The following MYO1E variants were observed in gnomAD, a reference collection of about 807,000 sequenced individuals.
MYO1E encodes myosin IE.
Under a neutral mutation model 151.1 loss-of-function variants are expected in MYO1E, and 68 were observed. The ratio of observed to expected loss-of-function variants is 0.45; its 90% CI spans 0.37 to 0.55. MYO1E has a LOEUF of 0.55. Ranked by LOEUF, MYO1E falls within the 20% of genes least tolerant of loss-of-function variation. The pLI, the probability that MYO1E is intolerant of heterozygous loss-of-function variation, is 0.00. For missense variants in MYO1E, 1,363 were observed against 1,389.3 expected (o/e 0.98, Z 0.30); for synonymous variants, 601 against 501.7 (o/e 1.20, Z -2.64).
intron 17 of MYO1E, among the ~76,000 whole-genome samples, chr15:59,192,695 G>A (rs910641300): frequency 1.3e-5 from 2 of 152,216 alleles, no homozygotes; most frequent in Non-Finnish European, 2.9e-5. Flanking sequence ...GTTTGAAATG[G>A]GGGAAGGTGG....
In MYO1E at chr15:59,227,249, G is replaced by C. The variant is rs189336335; in HGVS notation, c.642+210C>G. Among the ~76,000 whole-genome samples, 4 of 152,304 alleles carry C rather than the reference G, an allele frequency of 2.6e-5. No individual in the cohort carries two copies. In the East Asian group the frequency reaches 7.7e-4, roughly 29 times the overall value. On this transcript the variant is annotated intron_variant, in intron 7 of 27. Transcript: ENST00000288235. ...ACATCAATACTTTCTTGATGATTTA[G>C]CTTTGGAGGAATTTCTGTCTTATCA...
chr15:59,220,925 T>TA (rs59578227), intron 9 of MYO1E, among the ~76,000 whole-genome samples: 1,398 of 77,916 alleles, frequency 0.018, 38 homozygotes, highest in African/African-American at 0.062. Context: ...CCCCATCTCT[T>TA]AAAAAAAAAA....
intron 1 of MYO1E, among the ~76,000 whole-genome samples, chr15:59,304,843 T>C (rs1178571621): frequency 6.6e-6 from 1 of 152,260 alleles, no homozygotes; most frequent in African/African-American, 2.4e-5. Context: ...AAATGGAACT[T>C]GTCTTTACCC....
At chr15:59,298,236 T>G (rs1283153153) in intron 1 of MYO1E, among the ~76,000 whole-genome samples, 1 of 152,168 alleles carries the variant, frequency 6.6e-6, no homozygotes, top group African/African-American at 2.4e-5. Flanking sequence ...ATCTAGTTAT[T>G]TGGTACCCTG....
chr15:59,307,102 A>C (rs1262914691), intron 1 of MYO1E, among the ~76,000 whole-genome samples: 1 of 152,254 alleles, frequency 6.6e-6, no homozygotes. Flanking sequence ...AGCATGAAGT[A>C]CAGGAGGCAG....
At chr15:59,244,637 A>C (rs909403932) in intron 4 of MYO1E, among the ~76,000 whole-genome samples, 4 of 152,216 alleles carry the variant, frequency 2.6e-5, no homozygotes, top group South Asian at 2.1e-4. Flanking sequence ...AGAGAAAAGT[A>C]TAAAGACTGC....
At chr15:59,142,450 G>A (rs1382225150) in intron 26 of MYO1E, among the ~76,000 whole-genome samples, 1 of 152,166 alleles carries the variant, frequency 6.6e-6, no homozygotes, top group African/African-American at 2.4e-5. Flanking sequence ...TCCCTGCCCT[G>A]GGCATCACCC....
intron 19 of MYO1E, 40 bp from the exon 20 acceptor site, chr15:59,174,280 G>T: frequency 7.0e-7 from 1 of 1,423,506 alleles, no homozygotes; most frequent in Non-Finnish European, 9.9e-7. Context: ...CAAGCCCCAA[G>T]CCCCAATCCC....
chr15:59,368,729 G>T (rs1263568105), intron 1 of MYO1E, among the ~76,000 whole-genome samples: 3 of 151,954 alleles, frequency 2.0e-5, no homozygotes, highest in Admixed American at 1.3e-4. Context: ...CCGGGCGACA[G>T]TGAGAGACTC....
chr15:59,285,974 C>T (rs1317918602), intron 1 of MYO1E, among the ~76,000 whole-genome samples: 2 of 152,172 alleles, frequency 1.3e-5, no homozygotes, highest in Non-Finnish European at 2.9e-5. Flanking sequence ...TTTTCTAATT[C>T]AATTACACAG....
At chr15:59,225,193 T>G (rs756843486) in intron 7 of MYO1E, among the ~76,000 whole-genome samples, 1 of 152,242 alleles carries the variant, frequency 6.6e-6, no homozygotes, top group Admixed American at 6.5e-5. Context: ...AAAACTGCCA[T>G]GCAGCTTCCT....
intron 1 of MYO1E, among the ~76,000 whole-genome samples, chr15:59,356,070 T>C (rs948617899): frequency 3.3e-5 from 5 of 152,200 alleles, no homozygotes; most frequent in African/African-American, 1.2e-4. Flanking sequence ...TGGCAACATA[T>C]ACAACAGATT....
chr15:59,178,575 C>T (rs189743301), intron 18 of MYO1E, 38 bp from the exon 19 acceptor site: 56 of 1,606,856 alleles, frequency 3.5e-5, no homozygotes, highest in Admixed American at 2.3e-4. Context: ...CACACTTGGG[C>T]GGGACCGCAC....
chr15:59,276,928 C>T (rs2080322547), intron 1 of MYO1E, among the ~76,000 whole-genome samples: 1 of 152,228 alleles, frequency 6.6e-6, no homozygotes, highest in Admixed American at 6.5e-5. Flanking sequence ...CCCCACGCGG[C>T]AGCGGTTCTG....
chr15:59,203,284 C>G (rs1045802800), intron 15 of MYO1E, among the ~76,000 whole-genome samples: 2 of 152,176 alleles, frequency 1.3e-5, no homozygotes, highest in Non-Finnish European at 2.9e-5. Context: ...CACACTGTTC[C>G]CAGCTCTACA....
At chr15:59,151,154 C>T (rs770907976) in intron 26 of MYO1E, among the ~76,000 whole-genome samples, 14 of 151,916 alleles carry the variant, frequency 9.2e-5, no homozygotes, top group East Asian at 1.9e-4. Flanking sequence ...CAGCTGGGCG[C>T]GGTGGCTCAC....
intron 1 of MYO1E, among the ~76,000 whole-genome samples, chr15:59,337,907 C>CCT (rs1346846787): frequency 6.6e-6 from 1 of 152,164 alleles, no homozygotes; most frequent in Non-Finnish European, 1.5e-5. Context: ...TATCTTTACT[C>CCT]AATAAGGCAA....
rs1491466100 is a variant in MYO1E, at chr15:59,324,673, C to CCCT, written c.3+47824_3+47825insAGG. Among the ~76,000 whole-genome samples, 6 of 147,030 alleles carry CCCT rather than the reference C, an allele frequency of 4.1e-5. 1 individual carries two copies. Among genetic ancestry groups the CCCT allele is most frequent in the African/African-American group, 1.5e-4 (6 of 39,878 alleles). ...TTATCCCCATCCCAAGCCCCCCCCCCACAGAGGGCAGCATACAGCAGAGCC... is the reference window on the plus strand; with the variant it reads ...TTATCCCCATCCCAAGCCCCCCCCCCCCTACAGAGGGCAGCATACAGCAGAGCC... On this transcript the variant is annotated intron_variant, in intron 1 of 27. Transcript: ENST00000288235.
intron 22 of MYO1E, among the ~76,000 whole-genome samples, chr15:59,169,967 C>A (rs1316604162): frequency 1.3e-5 from 2 of 152,098 alleles, no homozygotes; most frequent in African/African-American, 4.8e-5. Flanking sequence ...CAAGACGAGC[C>A]TGGCCAACGT....
Sources: gnomAD v4.1 joint callset for allele counts (sites outside exome capture counted in the v4.1 genomes callset) on GRCh38, gnomAD v4.1.1 for gene constraint, MANE v1.5 for transcripts, NCBI Gene and HGNC (gene_info 2026-07-23, HGNC 2026-07-21) for gene names.